The following RGMA variants were observed in gnomAD, a reference collection of about 807,000 sequenced individuals.
The protein encoded by RGMA is repulsive guidance molecule A.
RGMA carries 10 observed loss-of-function variants against 23.2 expected under a neutral mutation model. The observed-to-expected ratio is 0.43, with a 90% CI of 0.27 to 0.73. RGMA has a LOEUF of 0.73. RGMA is among the 30% of genes least tolerant of loss of function. The pLI is 0.20. For missense variants in RGMA, 547 were observed against 630.5 expected (o/e 0.87, Z 1.42); for synonymous variants, 308 against 279.3 (o/e 1.10, Z -1.03).
At chr15:93,086,162 A>C (rs1895631625) in intron 1 of RGMA, among the ~76,000 whole-genome samples, 1 of 152,210 alleles carries the variant, frequency 6.6e-6, no homozygotes, top group South Asian at 2.1e-4. Flanking sequence ...AATGGAAGCA[A>C]AGCCATTCCC....
intron 1 of RGMA, among the ~76,000 whole-genome samples, chr15:93,087,846 T>C (rs950263704): frequency 7.3e-4 from 111 of 152,298 alleles, no homozygotes; most frequent in Non-Finnish European, 1.3e-4. Context: ...GAGCTCAATG[T>C]GCTGAGCATG....
intron 2 of RGMA, among the ~76,000 whole-genome samples, chr15:93,057,853 G>A (rs991658305): frequency 6.6e-6 from 1 of 152,072 alleles, no homozygotes; most frequent in Non-Finnish European, 1.5e-5. Flanking sequence ...GGGAGAGATT[G>A]GGGGGTGGCA....
At chr15:93,079,582 G>A (rs543816409) in intron 1 of RGMA, among the ~76,000 whole-genome samples, 1 of 152,326 alleles carries the variant, frequency 6.6e-6, no homozygotes, top group African/African-American at 2.4e-5. Flanking sequence ...CACTTTGGGA[G>A]GCCGAGGCGG....
chr15:93,088,862 C>A, intron 1 of RGMA, 57 bp downstream of exon 1: 1 of 1,462,206 alleles, frequency 6.8e-7, no homozygotes, highest in South Asian at 1.2e-5. Flanking sequence ...CGGCATGTGT[C>A]GGCGGCGCCT....
At chr15:93,086,430 C>G (rs888575048) in intron 1 of RGMA, among the ~76,000 whole-genome samples, 1 of 152,194 alleles carries the variant, frequency 6.6e-6, no homozygotes, top group Non-Finnish European at 1.5e-5. Flanking sequence ...TCTTTCATGT[C>G]TATACTGCAT....
At chr15:93,073,717 A>C in intron 1 of RGMA, 1 of 1,537,100 alleles carries the variant, frequency 6.5e-7, no homozygotes, top group Non-Finnish European at 8.7e-7. Flanking sequence ...CTACTAACGC[A>C]CCTCGAGGTT....
intron 2 of RGMA, among the ~76,000 whole-genome samples, chr15:93,063,589 C>T (rs1567188500): frequency 1.3e-5 from 2 of 152,232 alleles, no homozygotes; most frequent in South Asian, 2.1e-4. Flanking sequence ...AAGGAACACA[C>T]CCAGGTGAGC....
chr15:93,042,462 C>G lies in RGMA; in HGVS notation c.*2536G>C, dbSNP rs1415157177. On this transcript the variant is annotated 3_prime_UTR_variant, in exon 4 of 4. Coordinates refer to ENST00000329082, the MANE Select transcript of RGMA (RefSeq NM_020211.3). Reference sequence around the variant, plus strand: ...AACAACTGTATGGGACAGGCACCCCCCCATCTTCCAGAGAACAGCATGCAG... The same window carrying G: ...AACAACTGTATGGGACAGGCACCCCGCCATCTTCCAGAGAACAGCATGCAG... The G allele has an allele frequency of 2.0e-5, 3 of 152,728 alleles. No homozygotes were observed. In the South Asian group the frequency reaches 6.2e-4, roughly 32 times the overall value. The allele number at this position is 152,728 out of a possible 1,614,324, so 9.5% of individuals were successfully genotyped here.
In RGMA at chr15:93,044,781, G is replaced by C; in HGVS notation, c.*217C>G. The C allele has an allele frequency of 1.7e-6, 1 of 593,630 alleles. No homozygotes were observed. The highest frequency in any genetic ancestry group is 3.0e-6 in the Non-Finnish European group (1 of 333,230). The allele number at this position is 593,630 out of a possible 1,614,324, so 36.8% of individuals were successfully genotyped here. ...GGGGAGCTGCTCTCCCTCTCACACA[G>C]CTCTACTGTCAAACATCATGGCACC... is the stretch of plus-strand genomic sequence containing the variant. On this transcript the variant is annotated 3_prime_UTR_variant, in exon 4 of 4. Transcript: ENST00000329082.
rs113630693 is a variant in RGMA, at chr15:93,040,956, G to C, written c.*4042C>G. ...CCATTTTACAAATAAGGAATCTAAGGCTCAAAAAATCCCAAGGAGACCACA... is the reference window on the plus strand; with the variant it reads ...CCATTTTACAAATAAGGAATCTAAGCCTCAAAAAATCCCAAGGAGACCACA... On this transcript the variant is annotated 3_prime_UTR_variant, in exon 4 of 4. Transcript: ENST00000329082. 2 of 152,176 alleles carry C rather than the reference G, an allele frequency of 1.3e-5. No individual in the cohort carries two copies. The highest frequency in any genetic ancestry group is 4.8e-5 in the African/African-American group (2 of 41,512). The allele number at this position is 152,176 out of a possible 1,614,324, so 9.4% of individuals were successfully genotyped here. A position where few individuals can be genotyped will look rare whatever the true frequency, so the allele number is the denominator to read the frequency against.
rs578197885 is a variant in RGMA, at chr15:93,043,991, G to A, written c.*1007C>T. On this transcript the variant is annotated 3_prime_UTR_variant, in exon 4 of 4. Coordinates refer to ENST00000329082, the MANE Select transcript of RGMA (RefSeq NM_020211.3). ...CCACAGGGCTTAAGGGAAGAGATTA[G>A]AGGTTGAAGACCCTGCCAGGGATGC... 10 of 152,486 alleles carry A rather than the reference G, an allele frequency of 6.6e-5. No homozygotes were observed. The highest frequency in any genetic ancestry group is 2.4e-4 in the African/African-American group (10 of 41,576). 9.4% of individuals were successfully genotyped at this position (152,486 alleles called of 1,614,324 possible).
Position 93,052,302 on chromosome 15 carries a change from C to A in RGMA, c.336G>T (p.Gln112His). The A allele has an allele frequency of 6.2e-7, 1 of 1,604,258 alleles. No homozygotes were observed. Reference protein sequence around the residue: ...AVHGIEDLMSQHNCSKDGPTS... With the variant: ...AVHGIEDLMSHHNCSKDGPTS... ...TGGGGCCATCCTTGGAGCAGTTGTGCTGGCTCATGAGGTCCTCTATGCCAT... is the reference window on the plus strand; with the variant it reads ...TGGGGCCATCCTTGGAGCAGTTGTGATGGCTCATGAGGTCCTCTATGCCAT... The change falls in exon 3 of 4, where the codon CAG becomes CAT. Residue 112 changes from glutamine (Q) to histidine (H), a missense_variant. This residue lies in a region of RGMA where 214 missense variants were observed against 234.7 expected (regional missense o/e 0.91). Coordinates refer to ENST00000329082, the MANE Select transcript of RGMA (RefSeq NM_020211.3).
At chr15:93,075,513 A>G (rs1004795198) in intron 1 of RGMA, among the ~76,000 whole-genome samples, 1 of 152,240 alleles carries the variant, frequency 6.6e-6, no homozygotes, top group Non-Finnish European at 1.5e-5. Flanking sequence ...CCCCCAGAGA[A>G]TACAGAATCA....
chr15:93,057,988 C>A (rs1159721245), intron 2 of RGMA, among the ~76,000 whole-genome samples: 1 of 152,130 alleles, frequency 6.6e-6, no homozygotes, highest in Admixed American at 6.5e-5. Context: ...CTTCCTTCCC[C>A]AAGTTTTCAC....
chr15:93,089,107 T>C lies in RGMA; in HGVS notation c.-175A>G, dbSNP rs1232860465. 5.6e-6 allele frequency: 2 copies of C among 357,460 alleles called. No individual in the cohort carries two copies. Among genetic ancestry groups the C allele is most frequent in the Non-Finnish European group, 9.9e-6 (2 of 201,588 alleles). The allele number at this position is 357,460 out of a possible 1,614,324, so 22.1% of individuals were successfully genotyped here. ...GAGCGCCTCCTGCTCCCGGGCTGCA[T>C]GCCTGCGAGCGCCTGGCGGAGCCGG... is the stretch of plus-strand genomic sequence containing the variant. On this transcript the variant is annotated 5_prime_UTR_variant, in exon 1 of 4. The change abolishes an upstream ATG in the 5' untranslated region. Coordinates refer to ENST00000329082, the MANE Select transcript of RGMA (RefSeq NM_020211.3).
At chr15:93,058,446 G>A (rs888692955) in intron 2 of RGMA, among the ~76,000 whole-genome samples, 3 of 152,236 alleles carry the variant, frequency 2.0e-5, no homozygotes, top group Non-Finnish European at 2.9e-5. Flanking sequence ...CGGGAGACTC[G>A]GGAAGGAAGC....
In RGMA at chr15:93,045,412, G is replaced by A. The variant is rs764217217; in HGVS notation, c.939C>T (p.Tyr313=). Residue 313 remains tyrosine, a synonymous_variant, in exon 4 of 4, where the codon TAC becomes TAT. Coordinates refer to ENST00000329082, the MANE Select transcript of RGMA (RefSeq NM_020211.3). This position sits in a 1 kb window ranked among gnomAD's most constrained non-coding sequence, Gnocchi z 6.9. ...TGAGGGGGCAGCCCCGCAGGCAGAG[G>A]TAGAGACCCTGGCTGTCCCAGTCCT... ...AVEDWDSQGL[Y]LCLRGCPLNQ... is the part of the protein sequence containing the mutation. The A allele has an allele frequency of 9.9e-6, 16 of 1,613,216 alleles. No homozygotes were observed. Among genetic ancestry groups the A allele is most frequent in the South Asian group, 5.5e-5 (5 of 91,072 alleles).
Position 93,088,870 on chromosome 15 carries a change from C to G in RGMA, c.14+49G>C, listed in dbSNP as rs779355354. On this transcript the variant is annotated intron_variant, in intron 1 of 3. Transcript: ENST00000329082. ...GTGGCCCCGGCATGTGTCGGCGGCG[C>G]CTCGGAGATGTCAGAGCCGGGTCTG... 7.0e-5 allele frequency: 104 copies of G among 1,483,524 alleles called. 1 individual carries two copies. In the South Asian group the frequency reaches 1.2e-3, roughly 18 times the overall value. 91.9% of individuals were successfully genotyped at this position (1,483,524 alleles called of 1,614,324 possible).
intron 1 of RGMA, among the ~76,000 whole-genome samples, chr15:93,076,447 A>T (rs1895474397): frequency 6.6e-6 from 1 of 152,160 alleles, no homozygotes. Flanking sequence ...GTCATCAGTC[A>T]ACAAATATAT....
Sources: gnomAD v4.1 joint callset for allele counts (sites outside exome capture counted in the v4.1 genomes callset) on GRCh38, gnomAD v4.1.1 for gene constraint, gnomAD v4.1.1 regional missense constraint, Gnocchi (gnomAD v3.1) non-coding constraint, MANE v1.5 for transcripts, NCBI Gene and HGNC (gene_info 2026-07-23, HGNC 2026-07-21) for gene names.